Variants in PCDHA1 observed in about 807,000 individuals in gnomAD.
The protein encoded by PCDHA1 is protocadherin alpha-1.
PCDHA1 carries 42 observed loss-of-function variants against 61.3 expected under a neutral mutation model. The observed-to-expected ratio is 0.69, with a 90% confidence interval of 0.54 to 0.89. PCDHA1 has a LOEUF of 0.89. Ranked by LOEUF, PCDHA1 falls within the 40% of genes least tolerant of loss-of-function variation. PCDHA1 has a pLI of 0.00. For synonymous variants in PCDHA1, 610 were observed against 553.8 expected (o/e 1.10, Z -1.43); for missense variants, 1,256 against 1,235.3 (o/e 1.02, Z -0.25).
intron 1 of PCDHA1, chr5:140,966,805 T>C (rs1554228690): frequency 6.5e-7 from 1 of 1,545,566 alleles, no homozygotes; most frequent in South Asian, 1.2e-5. Flanking sequence ...CGACAGAGCA[T>C]CCACGGCTCC....
rs1459131060 is a variant in PCDHA1 at position 140,876,463 on chromosome 5, G to A, written c.2394+87779G>A. On this transcript the variant is annotated intron_variant, in intron 1 of 3. Transcript: ENST00000504120. ...CATTGATAAAGGGATTCCTTCCATG[G>A]CAGGTCACAGCATGGTCCTGGTGGA... is the stretch of plus-strand genomic sequence containing the variant. 3.7e-6 allele frequency: 6 copies of A among 1,613,896 alleles called. No homozygotes were observed. In the African/African-American group the frequency reaches 6.7e-5, roughly 18 times the overall value.
At chr5:140,882,065 A>C in intron 1 of PCDHA1, 1 of 831,114 alleles carries the variant, frequency 1.2e-6, no homozygotes, top group Non-Finnish European at 1.8e-6. Flanking sequence ...TTACACGTTC[A>C]TGCGCATGGT....
At chr5:140,838,599 C>T (rs1240521392) in intron 1 of PCDHA1, among the ~76,000 whole-genome samples, 1 of 151,906 alleles carries the variant, frequency 6.6e-6, no homozygotes, top group African/African-American at 2.4e-5. Context: ...ACCGAATTGT[C>T]TAGACTTTTA....
At chr5:140,823,057 G>T in intron 1 of PCDHA1, 18 of 1,614,174 alleles carry the variant, frequency 1.1e-5, no homozygotes, top group East Asian at 2.2e-5. Context: ...GACCGCGCGG[G>T]ACGGGGGCTC....
intron 1 of PCDHA1, chr5:140,871,446 A>C (rs1554165605): frequency 6.2e-7 from 1 of 1,610,058 alleles, no homozygotes; most frequent in Non-Finnish European, 8.5e-7. Context: ...GTCTGAATAA[A>C]GAGGAGGAAG....
chr5:140,913,489 G>C (rs1428566821), intron 1 of PCDHA1, among the ~76,000 whole-genome samples: 1 of 151,754 alleles, frequency 6.6e-6, no homozygotes, highest in Non-Finnish European at 1.5e-5. Context: ...TTCTTCATTA[G>C]TCTGTTTAAA....
At chr5:140,941,217 T>TCCTTTCTTTCTTTCTTTCTTTCTG (rs2092892388) in intron 1 of PCDHA1, among the ~76,000 whole-genome samples, 1 of 126,078 alleles carries the variant, frequency 7.9e-6, no homozygotes, top group Non-Finnish European at 1.7e-5. Context: ...CTTTCTTCCT[T>TCCTTTCTTTCTTTCTTTCTTTCTG]TCTTTCTTTC....
chr5:140,801,333 G>A (rs1581641335), intron 1 of PCDHA1: 2 of 1,613,254 alleles, frequency 1.2e-6, no homozygotes, highest in South Asian at 1.1e-5. Context: ...CACCTTCGTG[G>A]GCCGCATCGC....
At chr5:140,802,517 C>A (rs1762935362) in intron 1 of PCDHA1, 7 of 1,614,132 alleles carry the variant, frequency 4.3e-6, no homozygotes, top group South Asian at 2.2e-5. Context: ...CCACGGCCAG[C>A]GTGTCCGTGG....
intron 1 of PCDHA1, among the ~76,000 whole-genome samples, chr5:140,975,052 T>C (rs2096651440): frequency 6.6e-6 from 1 of 152,206 alleles, no homozygotes; most frequent in South Asian, 2.1e-4. Context: ...AGGAAGAATC[T>C]ACTATCGAGC....
chr5:140,941,214 C>CCCTTCTTTCTTTCTTTCTTTCTTT (rs2092871784), intron 1 of PCDHA1, among the ~76,000 whole-genome samples: 1 of 122,414 alleles, frequency 8.2e-6, no homozygotes, highest in Non-Finnish European at 1.7e-5. Flanking sequence ...TTTCTTTCTT[C>CCCTTCTTTCTTTCTTTCTTTCTTT]CTTTCTTTCT....
Position 140,802,932 on chromosome 5 carries a change from G to A in PCDHA1, c.2394+14248G>A, listed in dbSNP as rs1554122453. On this transcript the variant is annotated intron_variant, in intron 1 of 3. Coordinates refer to ENST00000504120, the MANE Select transcript of PCDHA1 (RefSeq NM_018900.4). The stretch of plus-strand genomic sequence containing the variant: ...GGGTGGCATCGGTGGCGCAGTGAGC[G>A]AGCTGGTGCCGCGGTCAGTGGGTGC... 2 of 1,613,830 alleles carry A rather than the reference G, an allele frequency of 1.2e-6. No homozygotes were observed. The highest frequency in any genetic ancestry group is 1.7e-6 in the Non-Finnish European group (2 of 1,179,890).
chr5:140,849,738 C>T (rs1562459111), intron 1 of PCDHA1: 4 of 1,598,360 alleles, frequency 2.5e-6, no homozygotes, highest in East Asian at 2.2e-5. Flanking sequence ...AGCTCTGGAC[C>T]GCGAGAGTGT....
At chr5:141,002,085 A>G (rs959603404) in intron 3 of PCDHA1, among the ~76,000 whole-genome samples, 1 of 152,244 alleles carries the variant, frequency 6.6e-6, no homozygotes, top group African/African-American at 2.4e-5. Context: ...AAGAACGAGC[A>G]GTCCAGGGGC....
At chr5:140,868,440 G>A (rs2050457998) in intron 1 of PCDHA1, 1 of 152,152 alleles carries the variant, frequency 6.6e-6, no homozygotes, top group Admixed American at 6.6e-5. Flanking sequence ...AGATCATGTG[G>A]AACATAAACA....
chr5:140,874,195 A>C (rs2054770978), intron 1 of PCDHA1, among the ~76,000 whole-genome samples: 1 of 152,222 alleles, frequency 6.6e-6, no homozygotes, highest in Non-Finnish European at 1.5e-5. Flanking sequence ...GTCATATTTC[A>C]GTTGCCTTTA....
intron 3 of PCDHA1, among the ~76,000 whole-genome samples, chr5:140,996,183 T>C (rs1360004898): frequency 6.6e-6 from 1 of 152,232 alleles, no homozygotes; most frequent in African/African-American, 2.4e-5. Context: ...AGCACCTCCA[T>C]TTTATACCCT....
chr5:140,943,998 G>C (rs2093593066), intron 1 of PCDHA1, among the ~76,000 whole-genome samples: 1 of 152,178 alleles, frequency 6.6e-6, no homozygotes, highest in Non-Finnish European at 1.5e-5. Context: ...CAGAACTACT[G>C]AGTACCCCCC....
At chr5:140,920,084 T>C (rs2079442648) in intron 1 of PCDHA1, among the ~76,000 whole-genome samples, 1 of 152,196 alleles carries the variant, frequency 6.6e-6, no homozygotes, top group Non-Finnish European at 1.5e-5. Context: ...AGATTCTCCG[T>C]AGAGCCTCTA....
Sources: allele counts gnomAD v4.1 joint callset (sites outside exome capture counted in the v4.1 genomes callset), GRCh38; gene constraint gnomAD v4.1.1; transcripts MANE v1.5; gene names NCBI Gene and HGNC (gene_info 2026-07-23, HGNC 2026-07-21).